ITGA4: variants seen among roughly 807,000 people sequenced by gnomAD.
The protein encoded by ITGA4 is integrin alpha-4.
ITGA4 carries 63 observed loss-of-function variants against 133.6 expected under a neutral mutation model. The ratio of observed to expected loss-of-function variants is 0.47; its 90% CI spans 0.38 to 0.58. The LOEUF (loss-of-function observed/expected upper bound fraction) is 0.58, where lower values mean the gene tolerates loss of function less well. ITGA4 is among the 20% of genes least tolerant of loss of function. The pLI is 0.00. For synonymous variants in ITGA4, 483 were observed against 438.0 expected (o/e 1.10, Z -1.28); for missense variants, 1,076 against 1,252.7 (o/e 0.86, Z 2.13).
chr2:181,527,543 G>T, intron 22 of ITGA4, 156 bp downstream of exon 22: 1 of 552,258 alleles, frequency 1.8e-6, no homozygotes, highest in Non-Finnish European at 3.3e-6. Context: ...CTGCCTCTCA[G>T]ACCCCTGCTG....
intron 15 of ITGA4, among the ~76,000 whole-genome samples, chr2:181,508,087 T>C (rs1239127909): frequency 6.6e-6 from 1 of 152,058 alleles, no homozygotes. Flanking sequence ...ATAGAAAATA[T>C]TTTTAAAAGA....
Position 181,496,048 on chromosome 2 carries a change from G to T in ITGA4, c.1540+111G>T, listed in dbSNP as rs182670952. 130 of 1,105,168 alleles carry T rather than the reference G, an allele frequency of 1.2e-4. 7 individuals are homozygous for T. The South Asian group carries it at 1.5e-3, about 12-fold the overall frequency. 68.5% of individuals were successfully genotyped at this position (1,105,168 alleles called of 1,614,324 possible). On this transcript the variant is annotated intron_variant, in intron 14 of 27. Coordinates refer to ENST00000397033, the MANE Select transcript of ITGA4 (RefSeq NM_000885.6). ...TCACCACGGAGATCTTCTTTAGAGC[G>T]GGGGAGAGAAGCTACCTGATGCATG...
chr2:181,461,955 CTT>C (rs1201160137), intron 2 of ITGA4, among the ~76,000 whole-genome samples: 1 of 152,000 alleles, frequency 6.6e-6, no homozygotes, highest in African/African-American at 2.4e-5. Context: ...GAAACAAACA[CTT>C]TAAAATTATT....
intron 11 of ITGA4, among the ~76,000 whole-genome samples, chr2:181,494,261 A>G (rs995142310): frequency 1.3e-5 from 2 of 152,168 alleles, no homozygotes; most frequent in Non-Finnish European, 2.9e-5. Context: ...TTGTTTTACA[A>G]ATTCTTATTT....
intron 9 of ITGA4, among the ~76,000 whole-genome samples, chr2:181,484,060 C>G (rs1389885059): frequency 6.6e-6 from 1 of 152,160 alleles, no homozygotes; most frequent in Non-Finnish European, 1.5e-5. Context: ...TTTGTTCCAT[C>G]TAACCTCTCA....
intron 2 of ITGA4, among the ~76,000 whole-genome samples, chr2:181,464,157 C>G (rs148259025): frequency 2.0e-5 from 3 of 152,076 alleles, no homozygotes; most frequent in Non-Finnish European, 4.4e-5. Context: ...TGACATTAAC[C>G]TGATTAAAGG....
intron 2 of ITGA4, among the ~76,000 whole-genome samples, chr2:181,470,151 A>G (rs568181517): frequency 1.3e-5 from 2 of 152,316 alleles, no homozygotes; most frequent in Admixed American, 6.5e-5. Context: ...AAGTATAACT[A>G]TAATGGAAAA....
chr2:181,494,869 G>A lies in ITGA4; in HGVS notation c.1339+57G>A. The A allele has an allele frequency of 3.3e-6, 3 of 897,922 alleles. No individual in the cohort carries two copies. The South Asian group carries it at 4.0e-5, about 12-fold the overall frequency. The allele number at this position is 897,922 out of a possible 1,614,324, so 55.6% of individuals were successfully genotyped here. On this transcript the variant is annotated intron_variant, in intron 12 of 27. Transcript: ENST00000397033. ...TGGAATAAGCTCTATCATAGATACT[G>A]CTTTATAGTGAAGTACGTAAAACTG... is the stretch of plus-strand genomic sequence containing the variant.
rs1687086651 is a variant in ITGA4, at chr2:181,536,320, G to A, written c.*793G>A. On this transcript the variant is annotated 3_prime_UTR_variant, in exon 28 of 28. Coordinates refer to ENST00000397033, the MANE Select transcript of ITGA4 (RefSeq NM_000885.6). ...ACACACCTTTATCAAGCATACCCAG[G>A]AGTAATCTTCAAATCTTTTGTTATA... 6.6e-6 allele frequency: 1 copy of A among 151,810 alleles called. No homozygotes were observed. The highest frequency in any genetic ancestry group is 6.6e-5 in the Admixed American group (1 of 15,228). The allele number at this position is 151,810 out of a possible 1,614,324, so 9.4% of individuals were successfully genotyped here.
chr2:181,520,099 A>G (rs990540862), intron 17 of ITGA4, among the ~76,000 whole-genome samples: 1 of 152,094 alleles, frequency 6.6e-6, no homozygotes, highest in African/African-American at 2.4e-5. Context: ...ATTTTTATAG[A>G]GGTGCCCCGT....
intron 2 of ITGA4, 64 bp downstream of exon 2, chr2:181,458,381 G>A (rs1251033598): frequency 6.4e-7 from 1 of 1,566,786 alleles, no homozygotes; most frequent in Non-Finnish European, 8.7e-7. Context: ...CCCACCATAG[G>A]GCAAGTCCTG....
intron 15 of ITGA4, among the ~76,000 whole-genome samples, chr2:181,506,622 T>A (rs1320439630): frequency 6.6e-6 from 1 of 152,060 alleles, no homozygotes; most frequent in African/African-American, 2.4e-5. Context: ...ATAGAATAGA[T>A]ATAGTCTTTT....
chr2:181,474,884 G>T (rs752611489), intron 2 of ITGA4, 76 bp from the exon 3 acceptor site: 13 of 1,006,318 alleles, frequency 1.3e-5, no homozygotes, highest in Non-Finnish European at 1.8e-5. Context: ...AAAATACTGG[G>T]GATGAGTGCA....
chr2:181,529,487 A>G, intron 22 of ITGA4, 54 bp from the exon 23 acceptor site: 2 of 857,030 alleles, frequency 2.3e-6, no homozygotes, highest in East Asian at 2.5e-5. Context: ...TGATATCTGT[A>G]CTTACATTTA....
chr2:181,486,981 T>C (rs535501787), intron 10 of ITGA4, among the ~76,000 whole-genome samples: 10 of 152,310 alleles, frequency 6.6e-5, no homozygotes, highest in African/African-American at 1.2e-4. Flanking sequence ...ACTTTAAATA[T>C]ATAAAATGCA....
chr2:181,460,887 A>G (rs1189215577), intron 2 of ITGA4, among the ~76,000 whole-genome samples: 3 of 152,142 alleles, frequency 2.0e-5, no homozygotes, highest in Non-Finnish European at 4.4e-5. Context: ...GGCTGAAGAA[A>G]AAAATGTTAT....
At chr2:181,526,913 C>T (rs1036274993) in intron 21 of ITGA4, among the ~76,000 whole-genome samples, 6 of 142,528 alleles carry the variant, frequency 4.2e-5, no homozygotes, top group African/African-American at 1.3e-4. Flanking sequence ...CTCACTGCAA[C>T]CTCTGCTTCT....
chr2:181,510,716 AT>A (rs1686489500), intron 16 of ITGA4, among the ~76,000 whole-genome samples: 4 of 24,686 alleles, frequency 1.6e-4, no homozygotes, highest in Non-Finnish European at 3.2e-4. Context: ...CTACACCCTC[AT>A]ATGAAAATAT....
Position 181,536,670 on chromosome 2 carries a change from A to C in ITGA4, c.*1143A>C, listed in dbSNP as rs2105778440. Reference sequence around the variant, plus strand: ...GTGAATATAAATGAGACGACAGCAAAATTTTCATGAAATGTAAAATATTTT... The same window carrying C: ...GTGAATATAAATGAGACGACAGCAACATTTTCATGAAATGTAAAATATTTT... On this transcript the variant is annotated 3_prime_UTR_variant, in exon 28 of 28. Coordinates refer to ENST00000397033, the MANE Select transcript of ITGA4 (RefSeq NM_000885.6). 5.6e-6 allele frequency: 1 copy of C among 179,626 alleles called. No homozygotes were observed. The highest frequency in any genetic ancestry group is 1.1e-4 in the South Asian group (1 of 9,302). 11.1% of individuals were successfully genotyped at this position (179,626 alleles called of 1,614,324 possible).
Sources: gnomAD v4.1 joint callset for allele counts (sites outside exome capture counted in the v4.1 genomes callset) on GRCh38, gnomAD v4.1.1 for gene constraint, MANE v1.5 for transcripts, NCBI Gene and HGNC (gene_info 2026-07-23, HGNC 2026-07-21) for gene names.